Variants in LIMA1 observed in about 807,000 individuals in gnomAD.
The protein encoded by LIMA1 is LIM domain and actin binding 1, also known as LIM domain and actin-binding protein 1.
Under a neutral mutation model 62.6 loss-of-function variants are expected in LIMA1, and 52 were observed. The ratio of observed to expected loss-of-function variants is 0.83; its 90% CI spans 0.67 to 1.05. The LOEUF is 1.05. Ranked by LOEUF, LIMA1 falls within the 50% of genes least tolerant of loss-of-function variation. The probability of loss-of-function intolerance (pLI) is 0.00; values close to 1 mark genes in which losing one functional copy is unlikely to be tolerated. For synonymous variants in LIMA1, 302 were observed against 317.8 expected (o/e 0.95, Z 0.53); for missense variants, 780 against 902.2 (o/e 0.86, Z 1.74).
intron 4 of LIMA1, among the ~76,000 whole-genome samples, chr12:50,208,200 G>C (rs557214998): frequency 6.6e-6 from 1 of 152,032 alleles, no homozygotes; most frequent in East Asian, 1.9e-4. Context: ...AGATACAAAA[G>C]TTAGACTGGG....
rs556209619 is a variant in LIMA1 at position 50,222,469 on chromosome 12, G to C, written c.182C>G (p.Ser61Cys). The change falls in exon 4 of 11, where the codon TCC becomes TGC. Residue 61 changes from serine to cysteine, a missense_variant. Physicochemically the swap from Ser to Cys is moderately radical, Grantham distance 112. Coordinates refer to ENST00000341247, the MANE Select transcript of LIMA1 (RefSeq NM_016357.5). ...CAGGGTCCCCTTTCTAAAGTGCTGGGAGAGATTTTCGGTGTTCTAGAAGAA... is the reference window on the plus strand; with the variant it reads ...CAGGGTCCCCTTTCTAAAGTGCTGGCAGAGATTTTCGGTGTTCTAGAAGAA... ...EKKRSNTENL[S>C]QHFRKGTLTV... 6 of 1,614,032 alleles carry C rather than the reference G, an allele frequency of 3.7e-6. 1 individual carries two copies. In the South Asian group the frequency reaches 5.5e-5, roughly 15 times the overall value.
At chr12:50,240,801 A>C (rs1461687990) in intron 2 of LIMA1, among the ~76,000 whole-genome samples, 3 of 152,134 alleles carry the variant, frequency 2.0e-5, no homozygotes, top group Non-Finnish European at 4.4e-5. Flanking sequence ...AAGCCACAGG[A>C]GTAGATGACA....
At chr12:50,220,687 A>AT (rs1941425864) in intron 4 of LIMA1, 1 of 152,140 alleles carries the variant, frequency 6.6e-6, no homozygotes, top group African/African-American at 2.4e-5. Flanking sequence ...GATTTCTGAC[A>AT]TTTTTTCCTT....
At chr12:50,197,189 G>T (rs1309426145) in intron 7 of LIMA1, among the ~76,000 whole-genome samples, 1 of 150,676 alleles carries the variant, frequency 6.6e-6, no homozygotes, top group Admixed American at 6.7e-5. Flanking sequence ...TCCTGCCTCA[G>T]CCTCCCGAGT....
chr12:50,210,331 G>A (rs1941230714), intron 4 of LIMA1, among the ~76,000 whole-genome samples: 2 of 147,568 alleles, frequency 1.4e-5, no homozygotes, highest in South Asian at 4.3e-4. Context: ...GCTGAGGCAG[G>A]AGAATCGCTT....
chr12:50,210,579 G>A (rs972844744), intron 4 of LIMA1, among the ~76,000 whole-genome samples: 1 of 152,162 alleles, frequency 6.6e-6, no homozygotes, highest in African/African-American at 2.4e-5. Context: ...TCTAGTTGGA[G>A]CTACACATCC....
At chr12:50,260,346 A>G in intron 1 of LIMA1, among the ~76,000 whole-genome samples, 1 of 151,990 alleles carries the variant, frequency 6.6e-6, no homozygotes, top group South Asian at 2.1e-4. Flanking sequence ...ACGAGGTTTC[A>G]CCATGTTGGC....
chr12:50,241,678 T>A (rs1336599232), intron 2 of LIMA1, among the ~76,000 whole-genome samples: 2 of 152,130 alleles, frequency 1.3e-5, no homozygotes, highest in African/African-American at 4.8e-5. Flanking sequence ...CACCACCTCT[T>A]TCTTCCAAGT....
At chr12:50,252,578 T>TC (rs1555210103) in intron 1 of LIMA1, among the ~76,000 whole-genome samples, 3 of 36,630 alleles carry the variant, frequency 8.2e-5, no homozygotes, top group Admixed American at 3.5e-4. Context: ...CGAAACTGTC[T>TC]CAAAAAAAAA....
intron 1 of LIMA1, among the ~76,000 whole-genome samples, chr12:50,278,566 C>T (rs1269602629): frequency 6.6e-6 from 1 of 152,198 alleles, no homozygotes; most frequent in Non-Finnish European, 1.5e-5. Flanking sequence ...AATTTTCACA[C>T]TCCTTGACCT....
chr12:50,210,789 TGGG>T (rs1941242570), intron 4 of LIMA1, among the ~76,000 whole-genome samples: 1 of 152,118 alleles, frequency 6.6e-6, no homozygotes, highest in African/African-American at 2.4e-5. Context: ...TTTTGCTCCA[TGGG>T]GGTATCAAAA....
intron 6 of LIMA1, chr12:50,201,521 T>C (rs930811332): frequency 2.0e-6 from 2 of 984,336 alleles, no homozygotes; most frequent in African/African-American, 3.5e-5. Context: ...TTTATTGTCA[T>C]AAGGAATAAG....
At chr12:50,225,335 G>A (rs1212634178) in intron 3 of LIMA1, among the ~76,000 whole-genome samples, 1 of 152,104 alleles carries the variant, frequency 6.6e-6, no homozygotes, top group Non-Finnish European at 1.5e-5. Flanking sequence ...ATGAATAGAT[G>A]CTGTAATACA....
Position 50,231,176 on chromosome 12 carries a change from G to T in LIMA1, c.165+489C>A, listed in dbSNP as rs115952503. Among the ~76,000 whole-genome samples, 1,451 of 152,308 alleles carry T rather than the reference G, an allele frequency of 9.5e-3. 23 individuals carry two copies. Among genetic ancestry groups the T allele is most frequent in the African/African-American group, 0.031 (1,306 of 41,566 alleles). On this transcript the variant is annotated intron_variant, in intron 3 of 10. Coordinates refer to ENST00000341247, the MANE Select transcript of LIMA1 (RefSeq NM_016357.5). Reference sequence around the variant, plus strand: ...AGACTAGAGAACGGGTAGAAGCAGAGAGTTTATTCTGGAGGTTTTTGTCTT... The same window carrying T: ...AGACTAGAGAACGGGTAGAAGCAGATAGTTTATTCTGGAGGTTTTTGTCTT...
chr12:50,226,249 G>A (rs554142970), intron 3 of LIMA1, among the ~76,000 whole-genome samples: 1 of 151,716 alleles, frequency 6.6e-6, no homozygotes, highest in South Asian at 2.1e-4. Flanking sequence ...TTCTCACTAT[G>A]TTGCCCAGGC....
chr12:50,238,822 C>T (rs1409800957), intron 2 of LIMA1, among the ~76,000 whole-genome samples: 2 of 151,270 alleles, frequency 1.3e-5, no homozygotes, highest in Non-Finnish European at 2.9e-5. Context: ...TGCACTCCAG[C>T]CTGGGCGACA....
chr12:50,196,830 A>G (rs952700928), intron 7 of LIMA1, among the ~76,000 whole-genome samples: 4 of 152,226 alleles, frequency 2.6e-5, no homozygotes, highest in Non-Finnish European at 4.4e-5. Context: ...GAATTCTGAC[A>G]TGGCATAAAA....
At chr12:50,222,665 G>T in intron 3 of LIMA1, 180 bp from the exon 4 acceptor site, 1 of 1,519,064 alleles carries the variant, frequency 6.6e-7, no homozygotes, top group Non-Finnish European at 8.8e-7. Context: ...AGAGGGAGAG[G>T]GAGAGGGGAA....
intron 4 of LIMA1, chr12:50,217,790 T>G (rs1941369926): frequency 1.3e-5 from 4 of 316,252 alleles, no homozygotes; most frequent in African/African-American, 2.2e-5. Context: ...CACACAGTAA[T>G]GTAGCTTCAC....
Sources: allele counts gnomAD v4.1 joint callset (sites outside exome capture counted in the v4.1 genomes callset), GRCh38; gene constraint gnomAD v4.1.1; transcripts MANE v1.5; gene names NCBI Gene and HGNC (gene_info 2026-07-23, HGNC 2026-07-21).